Variants in RASAL2 observed in about 807,000 individuals in gnomAD.
RASAL2 encodes RAS protein activator like 2.
In RASAL2, 58 loss-of-function variants were observed where a neutral mutation model predicts 128.9. The ratio of observed to expected loss-of-function variants is 0.45; its 90% CI spans 0.36 to 0.56. The LOEUF is 0.56. RASAL2 is among the 20% of genes least tolerant of loss of function. The pLI is 0.00. For missense variants in RASAL2, 1,360 were observed against 1,601.6 expected, an observed-to-expected ratio of 0.85 and a Z score of 2.57; for synonymous variants, 561 against 580.8, an observed-to-expected ratio of 0.97 and a Z score of 0.49.
intron 1 of RASAL2, among the ~76,000 whole-genome samples, chr1:178,244,059 C>G (rs1664649194): frequency 6.6e-6 from 1 of 152,134 alleles, no homozygotes. Flanking sequence ...CTTTCATTGG[C>G]TCTGTGAAAT....
chr1:178,347,399 T>C (rs965281119), intron 3 of RASAL2, among the ~76,000 whole-genome samples: 2 of 152,236 alleles, frequency 1.3e-5, no homozygotes, highest in African/African-American at 4.8e-5. Context: ...AGATGTTGCT[T>C]ATGTTACATT....
At chr1:178,314,030 A>G (rs1668381586) in intron 3 of RASAL2, among the ~76,000 whole-genome samples, 1 of 152,236 alleles carries the variant, frequency 6.6e-6, no homozygotes. Context: ...AAATAATGCT[A>G]AAGAACAAGT....
chr1:178,324,597 C>T (rs569956424), intron 3 of RASAL2, among the ~76,000 whole-genome samples: 1 of 152,128 alleles, frequency 6.6e-6, no homozygotes, highest in South Asian at 2.1e-4. Flanking sequence ...GGCTTGTTTA[C>T]AATGCATCTT....
At chr1:178,327,833 A>T (rs1419481285) in intron 3 of RASAL2, among the ~76,000 whole-genome samples, 1 of 152,188 alleles carries the variant, frequency 6.6e-6, no homozygotes, top group Non-Finnish European at 1.5e-5. Context: ...GTGGGTCCTA[A>T]TCCAATGACA....
At chr1:178,280,983 C>T (rs1014841018) in intron 1 of RASAL2, among the ~76,000 whole-genome samples, 3 of 151,776 alleles carry the variant, frequency 2.0e-5, no homozygotes, top group African/African-American at 7.3e-5. Flanking sequence ...TTCATTTAGC[C>T]CTGGAAATGA....
chr1:178,341,885 T>C (rs1669901312), intron 3 of RASAL2, among the ~76,000 whole-genome samples: 1 of 152,218 alleles, frequency 6.6e-6, no homozygotes, highest in Non-Finnish European at 1.5e-5. Flanking sequence ...CTGCAGCATG[T>C]ACTTGTTCTG....
intron 3 of RASAL2, among the ~76,000 whole-genome samples, chr1:178,371,333 C>CACACACACACACACACACAAAT: frequency 7.5e-6 from 1 of 133,648 alleles, no homozygotes; most frequent in South Asian, 2.3e-4. Flanking sequence ...CACACACACA[C>CACACACACACACACACACAAAT]ACACACACAC....
chr1:178,252,649 A>G (rs1334431243), intron 1 of RASAL2, among the ~76,000 whole-genome samples: 1 of 152,182 alleles, frequency 6.6e-6, no homozygotes, highest in Non-Finnish European at 1.5e-5. Context: ...TTTTTGGCCT[A>G]TAAAGCTCAA....
intron 2 of RASAL2, among the ~76,000 whole-genome samples, chr1:178,297,326 G>A (rs1667560864): frequency 1.3e-5 from 2 of 152,014 alleles, no homozygotes; most frequent in African/African-American, 4.8e-5. Flanking sequence ...GAAGCAATCT[G>A]TAGTGTGGCT....
At chr1:178,317,755 A>G (rs930243304) in intron 3 of RASAL2, among the ~76,000 whole-genome samples, 3 of 148,394 alleles carry the variant, frequency 2.0e-5, no homozygotes, top group African/African-American at 5.0e-5. Context: ...TCCTGGATTC[A>G]TTGATTTTTT....
In RASAL2 at chr1:178,466,765, A is replaced by G. The variant is rs548328303; in HGVS notation, c.3591-569A>G. ...TCCAGATTCCATGCTCATAACCTCT[A>G]TGCCTCAATATTTGTAAAATGCTAT... On this transcript the variant is annotated intron_variant, in intron 16 of 17. Coordinates refer to ENST00000367649, the MANE Select transcript of RASAL2 (RefSeq NM_170692.4). Among the ~76,000 whole-genome samples the G allele has an allele frequency of 1.9e-4, 29 of 152,314 alleles. No homozygotes were observed. The South Asian group carries it at 4.8e-3, about 25-fold the overall frequency.
At chr1:178,451,085 G>A (rs722321) in intron 9 of RASAL2, among the ~76,000 whole-genome samples, 12,111 of 152,148 alleles carry the variant, frequency 0.08, 552 homozygotes, top group Middle Eastern at 0.15. Context: ...GACTGTCTCC[G>A]TTACAAGAGG....
chr1:178,213,061 G>A (rs1165655872), intron 1 of RASAL2, among the ~76,000 whole-genome samples: 1 of 151,048 alleles, frequency 6.6e-6, no homozygotes, highest in Non-Finnish European at 1.5e-5. Context: ...TAAGAGACAG[G>A]GTCTCACTCT....
intron 2 of RASAL2, among the ~76,000 whole-genome samples, chr1:178,290,660 T>C (rs532850918): frequency 9.9e-5 from 15 of 152,144 alleles, no homozygotes; most frequent in Non-Finnish European, 1.6e-4. Flanking sequence ...AGTAAGTTTA[T>C]TTTTATTTAT....
intron 16 of RASAL2, 64 bp from the exon 17 acceptor site, chr1:178,467,270 T>G: frequency 7.5e-7 from 1 of 1,336,568 alleles, no homozygotes; most frequent in Non-Finnish European, 1.1e-6. Flanking sequence ...TGAGTTTTCC[T>G]GTTCTCTACA....
At chr1:178,258,041 T>TC (rs1665464437) in intron 1 of RASAL2, among the ~76,000 whole-genome samples, 2 of 151,642 alleles carry the variant, frequency 1.3e-5, no homozygotes, top group Non-Finnish European at 2.9e-5. Flanking sequence ...ACACCTGTAA[T>TC]CCCAGCACTT....
At chr1:178,321,199 C>T (rs1668757758) in intron 3 of RASAL2, among the ~76,000 whole-genome samples, 1 of 151,912 alleles carries the variant, frequency 6.6e-6, no homozygotes, top group Non-Finnish European at 1.5e-5. Context: ...TTCTCCTGTC[C>T]CAGCCTCCCA....
Position 178,415,143 on chromosome 1 carries a change from AAGAT to A in RASAL2, c.565-5364_565-5361del, listed in dbSNP as rs764036928. Reference sequence around the variant, plus strand: ...TTTGCTCTTTTTTTTCTAGTTTTCTAAGATAGACACTTAGTATTGGGTTTAGATC... The same window carrying A: ...TTTGCTCTTTTTTTTCTAGTTTTCTAAGACACTTAGTATTGGGTTTAGATC... On this transcript the variant is annotated intron_variant, in intron 4 of 17. Coordinates refer to ENST00000367649, the MANE Select transcript of RASAL2 (RefSeq NM_170692.4). Among the ~76,000 whole-genome samples, 3 of 152,052 alleles carry A rather than the reference AAGAT, an allele frequency of 2.0e-5. No homozygotes were observed. The South Asian group carries it at 6.2e-4, about 32-fold the overall frequency.
chr1:178,248,686 T>A (rs535211945), intron 1 of RASAL2, among the ~76,000 whole-genome samples: 1 of 152,310 alleles, frequency 6.6e-6, no homozygotes, highest in Admixed American at 6.5e-5. Flanking sequence ...GGTACCAGTT[T>A]TTCCTTTCCA....
Sources: allele counts gnomAD v4.1 joint callset (sites outside exome capture counted in the v4.1 genomes callset), GRCh38; gene constraint gnomAD v4.1.1; transcripts MANE v1.5; gene names NCBI Gene and HGNC (gene_info 2026-07-23, HGNC 2026-07-21).